The following GALNT10 variants were observed in gnomAD, a reference collection of about 807,000 sequenced individuals.
GALNT10 encodes GalNAc transferase 10.
GALNT10 carries 41 observed loss-of-function variants against 75.0 expected under a neutral mutation model. The observed-to-expected ratio is 0.55, with a 90% CI of 0.43 to 0.71. GALNT10 has a LOEUF of 0.71. Among genes scored for constraint, GALNT10 ranks in the 30% least tolerant of loss-of-function variants. The probability of loss-of-function intolerance (pLI) is 0.00; values close to 1 mark genes in which losing one functional copy is unlikely to be tolerated. For synonymous variants in GALNT10, 302 were observed against 313.0 expected, an observed-to-expected ratio of 0.96 and a Z score of 0.37; for missense variants, 727 against 818.5, an observed-to-expected ratio of 0.89 and a Z score of 1.36.
At chr5:154,264,859 G>A (rs1240014741) in intron 1 of GALNT10, among the ~76,000 whole-genome samples, 3 of 152,124 alleles carry the variant, frequency 2.0e-5, no homozygotes, top group Non-Finnish European at 2.9e-5. Context: ...CTCAGAGAGT[G>A]CCTGAAATCT....
intron 1 of GALNT10, among the ~76,000 whole-genome samples, chr5:154,203,759 C>T (rs576390967): frequency 3.3e-5 from 5 of 152,330 alleles, no homozygotes; most frequent in African/African-American, 1.2e-4. Flanking sequence ...GGATGAGGCT[C>T]CAGCTGGGAA....
chr5:154,282,915 C>T (rs1462240069), intron 1 of GALNT10, among the ~76,000 whole-genome samples: 5 of 152,126 alleles, frequency 3.3e-5, no homozygotes, highest in African/African-American at 4.8e-5. Context: ...AATGATCATC[C>T]AAATGAATGT....
intron 1 of GALNT10, among the ~76,000 whole-genome samples, chr5:154,260,882 A>G (rs1365369133): frequency 6.6e-6 from 1 of 152,220 alleles, no homozygotes; most frequent in Non-Finnish European, 1.5e-5. Context: ...AATGGTTACA[A>G]TTTAATTAAC....
intron 4 of GALNT10, chr5:154,347,274 G>A: frequency 2.2e-6 from 1 of 462,492 alleles, no homozygotes; most frequent in Non-Finnish European, 4.2e-6. Flanking sequence ...GGCAGAGTCA[G>A]AATCCAAACT....
intron 1 of GALNT10, among the ~76,000 whole-genome samples, chr5:154,278,433 A>T (rs1471297833): frequency 6.6e-6 from 1 of 152,236 alleles, no homozygotes; most frequent in Non-Finnish European, 1.5e-5. Flanking sequence ...GTGACTTCAA[A>T]GAGCCTTTAA....
intron 1 of GALNT10, among the ~76,000 whole-genome samples, chr5:154,266,196 T>G (rs915878456): frequency 1.3e-5 from 2 of 152,180 alleles, no homozygotes; most frequent in Non-Finnish European, 2.9e-5. Context: ...ATACATTCTT[T>G]GAAAATACTT....
At chr5:154,256,945 C>T (rs768203389) in intron 1 of GALNT10, among the ~76,000 whole-genome samples, 1 of 152,020 alleles carries the variant, frequency 6.6e-6, no homozygotes, top group Non-Finnish European at 1.5e-5. Flanking sequence ...CATACCAAAC[C>T]TGTGAAGTTG....
At position 154,341,567 on chromosome 5, in the gene GALNT10, C is replaced by A. The variant is rs1360403208; in HGVS notation, c.568+11829C>A. Among the ~76,000 whole-genome samples the A allele has an allele frequency of 2.6e-5, 4 of 152,050 alleles. No individual in the cohort carries two copies. In the East Asian group the frequency reaches 7.7e-4, roughly 29 times the overall value. On this transcript the variant is annotated intron_variant, in intron 4 of 11. Coordinates refer to ENST00000297107, the MANE Select transcript of GALNT10 (RefSeq NM_198321.4). The stretch of plus-strand genomic sequence containing the variant: ...GGTTTAGAATATTCTAAATAATAAC[C>A]TCACTCCAGGCTCTGTTAATAGAAA...
At chr5:154,355,608 G>A (rs866051177) in intron 4 of GALNT10, among the ~76,000 whole-genome samples, 3 of 152,248 alleles carry the variant, frequency 2.0e-5, no homozygotes, top group African/African-American at 7.2e-5. Flanking sequence ...AGCTGCCATT[G>A]CATGTCAAAG....
At chr5:154,232,637 A>G (rs1341530060) in intron 1 of GALNT10, among the ~76,000 whole-genome samples, 1 of 152,210 alleles carries the variant, frequency 6.6e-6, no homozygotes, top group Non-Finnish European at 1.5e-5. Flanking sequence ...AAAGCCAGGA[A>G]GAAGCCTGGG....
At chr5:154,228,774 G>A (rs1376072526) in intron 1 of GALNT10, among the ~76,000 whole-genome samples, 1 of 152,232 alleles carries the variant, frequency 6.6e-6, no homozygotes. Context: ...TGTGTCCTGT[G>A]TTCTAAGAGG....
chr5:154,363,582 G>C (rs932548821), intron 4 of GALNT10, among the ~76,000 whole-genome samples: 1 of 148,156 alleles, frequency 6.7e-6, no homozygotes, highest in Non-Finnish European at 1.5e-5. Flanking sequence ...TGCCCAGTCT[G>C]CCTCAGGGCC....
chr5:154,347,173 C>A, intron 4 of GALNT10: 1 of 511,328 alleles, frequency 2.0e-6, no homozygotes, highest in South Asian at 1.5e-5. Flanking sequence ...GCATTGTTGT[C>A]TGGCATTGTC....
intron 1 of GALNT10, among the ~76,000 whole-genome samples, chr5:154,286,798 T>C (rs566219471): frequency 6.6e-6 from 1 of 152,288 alleles, no homozygotes; most frequent in East Asian, 1.9e-4. Context: ...CACAGCCCCA[T>C]TGCTGATTGG....
At chr5:154,328,968 G>A (rs1323087309) in intron 3 of GALNT10, among the ~76,000 whole-genome samples, 1 of 152,046 alleles carries the variant, frequency 6.6e-6, no homozygotes, top group Non-Finnish European at 1.5e-5. Context: ...CCTTCCTGGA[G>A]GATGGTGGGT....
intron 9 of GALNT10, among the ~76,000 whole-genome samples, chr5:154,410,962 C>T (rs558263060): frequency 4.1e-4 from 62 of 152,328 alleles, no homozygotes; most frequent in African/African-American, 1.4e-3. Context: ...CTGTGAACTG[C>T]GCATGGTGTG....
chr5:154,402,627 G>A lies in GALNT10; in HGVS notation c.1057-1477G>A, dbSNP rs1756192115. On this transcript the variant is annotated intron_variant, in intron 7 of 11. Coordinates refer to ENST00000297107, the MANE Select transcript of GALNT10 (RefSeq NM_198321.4). The surrounding 1 kb of genome is among the most constrained non-coding windows in gnomAD (Gnocchi z 4.2). ...GGCTTGGTTTGATAGCTCCACCTTG[G>A]GTCTCGCATAGGAGAATAGTCAGGC... Among the ~76,000 whole-genome samples, 1 of 152,166 alleles carries A rather than the reference G, an allele frequency of 6.6e-6. No homozygotes were observed. The highest frequency in any genetic ancestry group is 2.4e-5 in the African/African-American group (1 of 41,440).
intron 7 of GALNT10, among the ~76,000 whole-genome samples, chr5:154,403,570 A>G (rs1450673409): frequency 6.6e-6 from 1 of 152,232 alleles, no homozygotes; most frequent in Non-Finnish European, 1.5e-5. Context: ...AATATGTGAC[A>G]GTAAATCTAC....
chr5:154,344,506 G>A (rs1755090197), intron 4 of GALNT10, among the ~76,000 whole-genome samples: 2 of 152,034 alleles, frequency 1.3e-5, no homozygotes, highest in African/African-American at 2.4e-5. Flanking sequence ...CACTGCGCCT[G>A]GCCAATACAT....
Sources: gnomAD v4.1 joint callset for allele counts (sites outside exome capture counted in the v4.1 genomes callset) on GRCh38, gnomAD v4.1.1 for gene constraint, Gnocchi (gnomAD v3.1) non-coding constraint, MANE v1.5 for transcripts, NCBI Gene and HGNC (gene_info 2026-07-23, HGNC 2026-07-21) for gene names.